The following UST variants were observed in gnomAD, a reference collection of about 807,000 sequenced individuals.
UST encodes uronyl 2-sulfotransferase, also known as chondroitin sulfate 2-O-sulfotransferase.
In UST, 21 loss-of-function variants were observed where a neutral mutation model predicts 45.6. The observed-to-expected ratio is 0.46, with a 90% CI of 0.33 to 0.66. UST has a LOEUF of 0.66. UST is among the 30% of genes least tolerant of loss of function. The pLI is 0.02. For missense variants in UST, 463 were observed against 512.4 expected (o/e 0.90, Z 0.93); for synonymous variants, 215 against 200.6 (o/e 1.07, Z -0.61).
rs1046929602 is a variant in UST at position 148,818,999 on chromosome 6, T to C, written c.248-67987T>C. Among the ~76,000 whole-genome samples, 3 of 152,144 alleles carry C rather than the reference T, an allele frequency of 2.0e-5. No homozygotes were observed. The East Asian group carries it at 5.8e-4, about 29-fold the overall frequency. On this transcript the variant is annotated intron_variant, in intron 1 of 7. Coordinates refer to ENST00000367463, the MANE Select transcript of UST (RefSeq NM_005715.3). ...TTCTTATGTAATGTAAGACCACTCT[T>C]TGGGGAAAAAAATGAGTTCAGACCT...
chr6:149,032,996 A>C (rs1582968563), intron 7 of UST, among the ~76,000 whole-genome samples: 1 of 152,156 alleles, frequency 6.6e-6, no homozygotes, highest in East Asian at 1.9e-4. Context: ...GGAATTAGTC[A>C]CCACAAATTT....
At chr6:149,005,478 A>G in intron 5 of UST, 2 of 985,400 alleles carry the variant, frequency 2.0e-6, no homozygotes, top group Non-Finnish European at 2.4e-6. Flanking sequence ...CACCAAATTG[A>G]CAGTGGGCCC....
chr6:149,029,494 A>G (rs1582966663), intron 7 of UST, among the ~76,000 whole-genome samples: 4 of 146,402 alleles, frequency 2.7e-5, no homozygotes, highest in East Asian at 3.9e-4. Context: ...ATAATATATA[A>G]TGTATATATT....
At chr6:148,975,635 G>C (rs1044214835) in intron 5 of UST, among the ~76,000 whole-genome samples, 1 of 152,020 alleles carries the variant, frequency 6.6e-6, no homozygotes, top group African/African-American at 2.4e-5. Context: ...CCTCACAACT[G>C]CATGTGAATT....
intron 6 of UST, among the ~76,000 whole-genome samples, chr6:149,020,284 C>A (rs749226280): frequency 1.3e-5 from 2 of 152,064 alleles, no homozygotes; most frequent in Non-Finnish European, 2.9e-5. Context: ...ACCATAAGCC[C>A]CCTGAGTCCA....
At chr6:148,867,560 C>A (rs563131157) in intron 1 of UST, among the ~76,000 whole-genome samples, 1 of 152,176 alleles carries the variant, frequency 6.6e-6, no homozygotes, top group South Asian at 2.1e-4. Context: ...TAATTGAATC[C>A]TGGGGGCAGT....
intron 1 of UST, among the ~76,000 whole-genome samples, chr6:148,804,869 C>T (rs1288303642): frequency 2.0e-5 from 3 of 149,444 alleles, no homozygotes; most frequent in African/African-American, 7.4e-5. Flanking sequence ...CTATATGGTT[C>T]ATAAAATGAA....
At chr6:149,005,343 G>C (rs2486387) in intron 5 of UST, 253,028 of 985,020 alleles carry the variant, frequency 0.26, 32,874 homozygotes, top group African/African-American at 0.36. Context: ...GGCCCTGGCT[G>C]TAGAGGAAAG....
At chr6:148,928,105 A>G (rs1779851727) in intron 2 of UST, among the ~76,000 whole-genome samples, 1 of 150,868 alleles carries the variant, frequency 6.6e-6, no homozygotes, top group Non-Finnish European at 1.5e-5. Context: ...GACCCAAGCA[A>G]GTGCTCAACC....
chr6:148,942,295 C>T (rs1038505070), intron 3 of UST, among the ~76,000 whole-genome samples: 2 of 151,958 alleles, frequency 1.3e-5, no homozygotes, highest in African/African-American at 4.8e-5. Flanking sequence ...ATAAAAATTT[C>T]CTCATGCCTG....
At chr6:148,903,863 C>T (rs373044024) in intron 2 of UST, among the ~76,000 whole-genome samples, 8 of 152,346 alleles carry the variant, frequency 5.3e-5, no homozygotes, top group East Asian at 1.9e-4. Flanking sequence ...TGTCAAAGTA[C>T]TGGACACCCT....
intron 1 of UST, among the ~76,000 whole-genome samples, chr6:148,763,867 G>C (rs926209333): frequency 2.6e-5 from 4 of 152,006 alleles, no homozygotes; most frequent in Admixed American, 6.5e-5. Context: ...GTCTGTTTTT[G>C]TACCAGTACC....
At chr6:149,073,727 C>A in intron 7 of UST, 106 bp from the exon 8 acceptor site, 2 of 1,352,034 alleles carry the variant, frequency 1.5e-6, no homozygotes, top group Non-Finnish European at 2.0e-6. Context: ...TATGCAGTTG[C>A]TTCCTTAGGT....
chr6:148,976,301 C>T (rs1781015714), intron 5 of UST, among the ~76,000 whole-genome samples: 1 of 152,128 alleles, frequency 6.6e-6, no homozygotes, highest in Non-Finnish European at 1.5e-5. Flanking sequence ...GTAACTTTGC[C>T]AATTTCTGTG....
intron 1 of UST, among the ~76,000 whole-genome samples, chr6:148,863,424 T>C (rs984719259): frequency 6.6e-6 from 1 of 152,214 alleles, no homozygotes; most frequent in Non-Finnish European, 1.5e-5. Context: ...GTTTTTAGCT[T>C]CTTTGCGATG....
chr6:148,791,507 G>A (rs1382074335), intron 1 of UST, among the ~76,000 whole-genome samples: 1 of 152,166 alleles, frequency 6.6e-6, no homozygotes, highest in Non-Finnish European at 1.5e-5. Flanking sequence ...AATGCCACTC[G>A]AGGTCATTAT....
chr6:149,003,045 G>T (rs530419051), intron 5 of UST, among the ~76,000 whole-genome samples: 1 of 152,238 alleles, frequency 6.6e-6, no homozygotes, highest in Admixed American at 6.5e-5. Flanking sequence ...GGCATTCATT[G>T]GTTGGAGATT....
intron 5 of UST, among the ~76,000 whole-genome samples, chr6:148,998,674 A>G (rs1177617496): frequency 6.6e-6 from 1 of 152,198 alleles, no homozygotes; most frequent in Non-Finnish European, 1.5e-5. Context: ...ATGCGGGCCC[A>G]TCCATAAACC....
At position 148,961,146 on chromosome 6, in the gene UST, C is replaced by T. The variant is rs1363493808; in HGVS notation, c.528-3264C>T. On this transcript the variant is annotated intron_variant, in intron 4 of 7. Coordinates refer to ENST00000367463, the MANE Select transcript of UST (RefSeq NM_005715.3). ...AAAATGAGTAAAAATTTAAAAAATA[C>T]GACACAGTGGCAGAGTCCAAAGGAA... Among the ~76,000 whole-genome samples, 9 of 152,252 alleles carry T rather than the reference C, an allele frequency of 5.9e-5. No homozygotes were observed. In the Middle Eastern group the frequency reaches 0.017, roughly 288 times the overall value.
Sources: allele counts gnomAD v4.1 joint callset (sites outside exome capture counted in the v4.1 genomes callset), GRCh38; gene constraint gnomAD v4.1.1; transcripts MANE v1.5; gene names NCBI Gene and HGNC (gene_info 2026-07-23, HGNC 2026-07-21).